Variants in FSD1L observed in about 807,000 individuals in gnomAD.
FSD1L encodes FSD1-like protein.
In FSD1L, 45 loss-of-function variants were observed where a neutral mutation model predicts 71.6. That is an observed-to-expected ratio of 0.63 (90% CI 0.49 to 0.81). The LOEUF (loss-of-function observed/expected upper bound fraction) is 0.81. Ranked by LOEUF, FSD1L falls within the 30% of genes least tolerant of loss-of-function variation. FSD1L has a pLI of 0.00. For synonymous variants in FSD1L, 197 were observed against 207.2 expected (o/e 0.95, Z 0.42); for missense variants, 561 against 618.1 (o/e 0.91, Z 0.98).
In FSD1L at chr9:105,535,193, C is replaced by G; in HGVS notation, c.1253C>G (p.Thr418Ser). 2 of 1,552,010 alleles carry G rather than the reference C, an allele frequency of 1.3e-6. No individual in the cohort carries two copies. The highest frequency in any genetic ancestry group is 1.4e-5 in the African/African-American group (1 of 73,152). The change falls in exon 12 of 14, where the codon ACT becomes AGT. Residue 418 changes from threonine (T) to serine (S), a missense_variant. Around this residue, in one of 3 missense-constraint regions of FSD1L, gnomAD observed 53 missense variants for 102.2 expected, o/e 0.52. Transcript: ENST00000481272. ...GKFDQLGKTN[T>S]SWCIHVNNWL... The stretch of plus-strand genomic sequence containing the variant: ...TTTGACCAATTGGGAAAGACAAACA[C>G]TAGTTGGTGTATCCATGTCAACAAC...
chr9:105,487,612 G>A (rs1226082156), intron 7 of FSD1L, among the ~76,000 whole-genome samples: 33 of 152,074 alleles, frequency 2.2e-4, no homozygotes, highest in African/African-American at 7.9e-4. Context: ...GATATGTAGG[G>A]TAGGACCTTT....
At chr9:105,445,583 G>A (rs1416369152), upstream of FSD1L, among the ~76,000 whole-genome samples, 3 of 152,108 alleles carry the variant, frequency 2.0e-5, no homozygotes, top group Non-Finnish European at 2.9e-5. Context: ...TGGGGACATC[G>A]CCAAGCCCTG....
upstream of FSD1L, among the ~76,000 whole-genome samples, chr9:105,447,048 G>A (rs1218341297): frequency 6.6e-6 from 1 of 152,008 alleles, no homozygotes; most frequent in Non-Finnish European, 1.5e-5. Context: ...CCTGGCACAT[G>A]CCCTGTAACC....
intron 7 of FSD1L, among the ~76,000 whole-genome samples, chr9:105,499,002 T>A (rs1833604530): frequency 6.6e-6 from 1 of 152,252 alleles, no homozygotes; most frequent in African/African-American, 2.4e-5. Flanking sequence ...AATTTAATCA[T>A]TGCATGATTT....
At chr9:105,479,713 T>G (rs1242092995) in intron 6 of FSD1L, among the ~76,000 whole-genome samples, 4 of 152,220 alleles carry the variant, frequency 2.6e-5, no homozygotes. Flanking sequence ...GAATGTGTTT[T>G]TTGTTGTTAA....
intron 5 of FSD1L, among the ~76,000 whole-genome samples, chr9:105,477,749 T>C (rs1468828486): frequency 6.6e-6 from 1 of 152,236 alleles, no homozygotes; most frequent in Non-Finnish European, 1.5e-5. Flanking sequence ...TTTAAACATT[T>C]TCTATCTCTG....
At chr9:105,539,574 A>G (rs1344368049) in intron 13 of FSD1L, among the ~76,000 whole-genome samples, 2 of 152,162 alleles carry the variant, frequency 1.3e-5, no homozygotes, top group East Asian at 3.8e-4. Flanking sequence ...TACACAAATC[A>G]TGTAGTTTGA....
chr9:105,466,608 G>A (rs905292971), intron 3 of FSD1L, among the ~76,000 whole-genome samples: 1 of 151,908 alleles, frequency 6.6e-6, no homozygotes, highest in East Asian at 1.9e-4. Context: ...CAGGAGAATC[G>A]CTTGAACCCA....
chr9:105,445,164 G>A (rs778036652), upstream of FSD1L, among the ~76,000 whole-genome samples: 2 of 152,208 alleles, frequency 1.3e-5, no homozygotes, highest in African/African-American at 2.4e-5. Flanking sequence ...GGCTGTGATG[G>A]GAGAACTTGT....
chr9:105,502,989 T>C (rs1003706857), intron 7 of FSD1L, among the ~76,000 whole-genome samples: 6 of 151,676 alleles, frequency 4.0e-5, no homozygotes, highest in Admixed American at 6.6e-5. Context: ...GCAACCCTCC[T>C]GCCTCAGCCT....
chr9:105,461,021 A>G (rs1478027346), intron 1 of FSD1L, among the ~76,000 whole-genome samples: 6 of 152,258 alleles, frequency 3.9e-5, no homozygotes, highest in Non-Finnish European at 8.8e-5. Flanking sequence ...GTTGGTTGTA[A>G]CATTTTAACT....
At chr9:105,455,270 A>T (rs1315168618) in intron 1 of FSD1L, among the ~76,000 whole-genome samples, 1 of 152,178 alleles carries the variant, frequency 6.6e-6, no homozygotes, top group Non-Finnish European at 1.5e-5. Flanking sequence ...TCTCCTGCTC[A>T]GCCTGCCACC....
At chr9:105,482,466 G>C (rs1478573215) in intron 6 of FSD1L, among the ~76,000 whole-genome samples, 1 of 152,132 alleles carries the variant, frequency 6.6e-6, no homozygotes, top group Non-Finnish European at 1.5e-5. Flanking sequence ...CAGGAGCGAA[G>C]GATCCTTGAA....
In FSD1L at chr9:105,539,326, C is replaced by T; in HGVS notation, c.1442C>T (p.Thr481Ile). The change falls in exon 13 of 14, where the codon ACT becomes ATT. Residue 481 changes from threonine (T) to isoleucine (I), a missense_variant. Thr to Ile is a moderately conservative substitution (Grantham distance 89). Transcript: ENST00000481272. ...CTATATTCCTTTAAGACAAAATTTA[C>T]TCAGCCAGTACTACCTGGTTTCATG... The part of the protein sequence containing the change: ...QLLYSFKTKF[T>I]QPVLPGFMVW... 1 of 1,494,958 alleles carries T rather than the reference C, an allele frequency of 6.7e-7. No homozygotes were observed. The highest frequency in any genetic ancestry group is 9.0e-7 in the Non-Finnish European group (1 of 1,106,890). The allele number at this position is 1,494,958 out of a possible 1,614,324, so 92.6% of individuals were successfully genotyped here.
At chr9:105,462,904 G>A (rs1830806801) in intron 2 of FSD1L, among the ~76,000 whole-genome samples, 2 of 150,948 alleles carry the variant, frequency 1.3e-5, no homozygotes, top group African/African-American at 4.9e-5. Flanking sequence ...TTGGGAGGTT[G>A]AGGCAGGTGG....
At chr9:105,481,289 ATT>A (rs534771402) in intron 6 of FSD1L, among the ~76,000 whole-genome samples, 8 of 136,720 alleles carry the variant, frequency 5.9e-5, no homozygotes, top group Non-Finnish European at 1.1e-4. Flanking sequence ...TCTCAACTTA[ATT>A]TTTTTTTTTT....
At chr9:105,532,785 G>C (rs1045252531) in intron 10 of FSD1L, among the ~76,000 whole-genome samples, 1 of 152,196 alleles carries the variant, frequency 6.6e-6, no homozygotes, top group African/African-American at 2.4e-5. Context: ...ATTAAACTAA[G>C]TCATGTGAGT....
intron 7 of FSD1L, among the ~76,000 whole-genome samples, chr9:105,494,910 A>G (rs1158278072): frequency 4.6e-5 from 7 of 152,022 alleles, no homozygotes; most frequent in Admixed American, 1.3e-4. Flanking sequence ...GTCTGCCCCT[A>G]TGGAGGGGGT....
At chr9:105,533,447 G>T (rs1836049515) in intron 10 of FSD1L, among the ~76,000 whole-genome samples, 1 of 2,692 alleles carries the variant, frequency 3.7e-4, no homozygotes, top group Admixed American at 5.5e-3. Flanking sequence ...TTTTGAGATG[G>T]CGTCTAGCCC....
Sources: gnomAD v4.1 joint callset for allele counts (sites outside exome capture counted in the v4.1 genomes callset) on GRCh38, gnomAD v4.1.1 for gene constraint, gnomAD v4.1.1 regional missense constraint, MANE v1.5 for transcripts, NCBI Gene and HGNC (gene_info 2026-07-23, HGNC 2026-07-21) for gene names.